ARHGAP28: variants seen among roughly 807,000 people sequenced by gnomAD.
The protein encoded by ARHGAP28 is rho GTPase-activating protein 28.
Under a neutral mutation model 90.7 loss-of-function variants are expected in ARHGAP28, and 56 were observed. The observed-to-expected ratio is 0.62, with a 90% confidence interval of 0.50 to 0.77. The LOEUF is 0.77. Ranked by LOEUF, ARHGAP28 falls within the 30% of genes least tolerant of loss-of-function variation. The pLI is 0.00. For synonymous variants in ARHGAP28, 308 were observed against 323.3 expected, an observed-to-expected ratio of 0.95 and a Z score of 0.51; for missense variants, 869 against 900.9, an observed-to-expected ratio of 0.96 and a Z score of 0.45.
chr18:6,857,113 T>A (rs997829389), intron 4 of ARHGAP28, among the ~76,000 whole-genome samples: 2 of 152,214 alleles, frequency 1.3e-5, no homozygotes, highest in South Asian at 2.1e-4. Flanking sequence ...TAGGTAAAGA[T>A]GCTACATAAT....
intron 1 of ARHGAP28, among the ~76,000 whole-genome samples, chr18:6,804,884 G>A (rs1030872416): frequency 1.3e-5 from 2 of 152,044 alleles, no homozygotes; most frequent in African/African-American, 4.8e-5. Flanking sequence ...GCTATTAATG[G>A]GTGAAATGTT....
intron 1 of ARHGAP28, among the ~76,000 whole-genome samples, chr18:6,735,583 C>G (rs911960960): frequency 6.9e-6 from 1 of 143,980 alleles, no homozygotes; most frequent in Non-Finnish European, 1.5e-5. Flanking sequence ...GAGCCAAGGT[C>G]TTGCACTGTC....
intron 1 of ARHGAP28, among the ~76,000 whole-genome samples, chr18:6,816,217 A>C (rs528202139): frequency 2.6e-5 from 4 of 152,198 alleles, no homozygotes; most frequent in Non-Finnish European, 5.9e-5. Flanking sequence ...TGGTCCTGTT[A>C]GTCTGAAACT....
chr18:6,878,653 A>G (rs1283981394), intron 10 of ARHGAP28, among the ~76,000 whole-genome samples: 1 of 152,180 alleles, frequency 6.6e-6, no homozygotes, highest in Non-Finnish European at 1.5e-5. Flanking sequence ...AACCACATAC[A>G]GGTCAGTCTT....
At chr18:6,856,809 G>T (rs146972572) in intron 4 of ARHGAP28, among the ~76,000 whole-genome samples, 1 of 152,164 alleles carries the variant, frequency 6.6e-6, no homozygotes, top group Admixed American at 6.5e-5. Flanking sequence ...AAGCCCAGCC[G>T]TGATTTCTAA....
chr18:6,868,123 T>A (rs766318493), intron 5 of ARHGAP28, 27 bp from the exon 6 acceptor site: 1 of 1,579,994 alleles, frequency 6.3e-7, no homozygotes, highest in East Asian at 2.2e-5. Flanking sequence ...GTAAAATGTT[T>A]TGTGTTCATC....
intron 3 of ARHGAP28, among the ~76,000 whole-genome samples, chr18:6,848,192 C>T (rs1052777247): frequency 4.6e-5 from 7 of 152,146 alleles, no homozygotes; most frequent in Admixed American, 4.6e-4. Context: ...CTCAGATTCT[C>T]AGTTGCCAGC....
chr18:6,792,374 A>T (rs187307207), intron 1 of ARHGAP28, among the ~76,000 whole-genome samples: 37 of 152,344 alleles, frequency 2.4e-4, no homozygotes, highest in Admixed American at 4.6e-4. Context: ...AGTACATTGT[A>T]TATCTATATT....
Position 6,878,066 on chromosome 18 carries a change from A to G in ARHGAP28, c.1290+1858A>G, listed in dbSNP as rs113362895. Among the ~76,000 whole-genome samples the G allele has an allele frequency of 4.8e-3, 736 of 152,254 alleles. 8 individuals carry two copies. Among genetic ancestry groups the G allele is most frequent in the African/African-American group, 0.016 (683 of 41,550 alleles). On this transcript the variant is annotated intron_variant, in intron 10 of 17. Transcript: ENST00000383472. ...CATATGATTTAAATGTCCTGTTTCT[A>G]AATCACCGAAAGGAGAAAACATTAC...
intron 1 of ARHGAP28, chr18:6,791,008 A>G (rs533296716): frequency 2.0e-5 from 3 of 152,290 alleles, no homozygotes; most frequent in Admixed American, 2.0e-4. Context: ...AATTAATATA[A>G]TGCCCCAACT....
rs2055858277 is a variant in ARHGAP28 at position 6,729,750 on chromosome 18, C to T, written c.-72C>T. ...GCCGCGCCGCCCAGCTGCTGACAGC[C>T]TCCCGGCGCGCCGGTCCATGCTGGT... On this transcript the variant is annotated 5_prime_UTR_variant, in exon 1 of 18. Coordinates refer to ENST00000383472, the MANE Select transcript of ARHGAP28 (RefSeq NM_001366230.1). The T allele has an allele frequency of 3.9e-6, 5 of 1,289,688 alleles. No individual in the cohort carries two copies. The highest frequency in any genetic ancestry group is 4.2e-5 in the Admixed American group (1 of 23,858). The allele number at this position is 1,289,688 out of a possible 1,614,324, so 79.9% of individuals were successfully genotyped here. A position where few individuals can be genotyped will look rare whatever the true frequency, so the allele number is the denominator to read the frequency against.
intron 9 of ARHGAP28, among the ~76,000 whole-genome samples, chr18:6,874,246 CA>C (rs1472288693): frequency 1.3e-5 from 2 of 152,180 alleles, no homozygotes; most frequent in Non-Finnish European, 2.9e-5. Context: ...ATCATTTTAT[CA>C]ATTTTCCAAA....
intron 1 of ARHGAP28, among the ~76,000 whole-genome samples, chr18:6,811,070 C>T (rs2056552569): frequency 6.6e-6 from 1 of 152,062 alleles, no homozygotes; most frequent in Non-Finnish European, 1.5e-5. Context: ...TACTCCTAGC[C>T]ACTGCACCAG....
chr18:6,761,987 G>C lies in ARHGAP28; in HGVS notation c.122+32044G>C, dbSNP rs570495192. Reference sequence around the variant, plus strand: ...CAGCGGTCTACAGGCAGTTCCACAGGTTTCTCAAGTCCAATTTTTACTTTG... The same window carrying C: ...CAGCGGTCTACAGGCAGTTCCACAGCTTTCTCAAGTCCAATTTTTACTTTG... On this transcript the variant is annotated intron_variant, in intron 1 of 17. Transcript: ENST00000383472. Among the ~76,000 whole-genome samples the C allele has an allele frequency of 9.8e-5, 15 of 152,286 alleles. No individual in the cohort carries two copies. The East Asian group carries it at 2.9e-3, about 29-fold the overall frequency.
chr18:6,816,951 G>C (rs192247766), intron 1 of ARHGAP28, among the ~76,000 whole-genome samples: 4 of 152,070 alleles, frequency 2.6e-5, no homozygotes, highest in African/African-American at 9.6e-5. Flanking sequence ...TTAGCCAGGT[G>C]TGGTGGTGCA....
At chr18:6,830,930 T>C (rs2056710227) in intron 2 of ARHGAP28, among the ~76,000 whole-genome samples, 1 of 152,222 alleles carries the variant, frequency 6.6e-6, no homozygotes, top group South Asian at 2.1e-4. Context: ...AGTCTTTTTG[T>C]ATAGATATGT....
intron 1 of ARHGAP28, among the ~76,000 whole-genome samples, chr18:6,810,487 G>A (rs760281147): frequency 2.6e-5 from 4 of 151,914 alleles, no homozygotes; most frequent in Non-Finnish European, 5.9e-5. Context: ...TAGACACAGG[G>A]TTTCACCATG....
intron 4 of ARHGAP28, among the ~76,000 whole-genome samples, chr18:6,857,275 T>G (rs2056961156): frequency 6.6e-6 from 1 of 152,216 alleles, no homozygotes; most frequent in African/African-American, 2.4e-5. Context: ...CATTTTCTGT[T>G]GCATATCCTG....
intron 5 of ARHGAP28, 90 bp from the exon 6 acceptor site, chr18:6,868,060 T>C (rs1404470710): frequency 2.7e-5 from 28 of 1,054,370 alleles, no homozygotes; most frequent in Non-Finnish European, 3.9e-5. Context: ...AAATAACTCT[T>C]GTATACTGCA....
Sources: gnomAD v4.1 joint callset for allele counts (sites outside exome capture counted in the v4.1 genomes callset) on GRCh38, gnomAD v4.1.1 for gene constraint, MANE v1.5 for transcripts, NCBI Gene and HGNC (gene_info 2026-07-23, HGNC 2026-07-21) for gene names.